Variants in CRK observed in about 807,000 individuals in gnomAD.
The protein encoded by CRK is adapter molecule crk.
A neutral mutation model predicts 29.8 loss-of-function variants in CRK; 4 were observed. The ratio of observed to expected loss-of-function variants is 0.13; its 90% confidence interval spans 0.07 to 0.31. CRK has a LOEUF of 0.31. Among genes scored for constraint, CRK ranks in the 10% least tolerant of loss-of-function variants. The pLI is 1.00. For synonymous variants in CRK, 153 were observed against 164.9 expected (o/e 0.93, Z 0.55); for missense variants, 274 against 396.5 (o/e 0.69, Z 2.62).
At position 1,421,860 on chromosome 17, in the gene CRK, G is replaced by A. The variant is rs1205206908; in HGVS notation, c.*1653C>T. 1.3e-5 allele frequency: 2 copies of A among 152,136 alleles called. No homozygotes were observed. The highest frequency in any genetic ancestry group is 2.9e-5 in the Non-Finnish European group (2 of 68,028). 9.4% of individuals were successfully genotyped at this position (152,136 alleles called of 1,614,324 possible). On this transcript the variant is annotated 3_prime_UTR_variant, in exon 3 of 3. Transcript: ENST00000300574. ...AGCAAACTATAAGGTGTTTCTATTG[G>A]TCATACCACACCAGAGACCGGTAAG...
At chr17:1,444,034 T>A (rs1029937055) in intron 1 of CRK, among the ~76,000 whole-genome samples, 1 of 151,862 alleles carries the variant, frequency 6.6e-6, no homozygotes, top group African/African-American at 2.4e-5. Flanking sequence ...TTTTGCCATG[T>A]CGCCCAGGCA....
chr17:1,434,792 C>CAAA (rs376877954), intron 2 of CRK, among the ~76,000 whole-genome samples: 51,157 of 124,296 alleles, frequency 0.41, 10,709 homozygotes, highest in South Asian at 0.5. Context: ...CAAAAAGAAC[C>CAAA]AAAAAAAAAA....
chr17:1,421,128 G>A lies in CRK; in HGVS notation c.*2385C>T, dbSNP rs2073720528. On this transcript the variant is annotated 3_prime_UTR_variant, in exon 3 of 3. Coordinates refer to ENST00000300574, the MANE Select transcript of CRK (RefSeq NM_016823.4). ...ATAAGACATCCTTTGATTTCTTGAG[G>A]GGCATTAACTGCCACACTCAACAGT... 6.6e-6 allele frequency: 1 copy of A among 151,994 alleles called. No individual in the cohort carries two copies. The highest frequency in any genetic ancestry group is 1.5e-5 in the Non-Finnish European group (1 of 68,024). The allele number at this position is 151,994 out of a possible 1,614,324, so 9.4% of individuals were successfully genotyped here.
intron 1 of CRK, among the ~76,000 whole-genome samples, chr17:1,448,284 G>A (rs540214131): frequency 3.3e-5 from 5 of 151,960 alleles, no homozygotes; most frequent in African/African-American, 4.8e-5. Flanking sequence ...CCTCACCCCC[G>A]ACTCTGCAAA....
At chr17:1,445,278 T>C (rs1042226644) in intron 1 of CRK, among the ~76,000 whole-genome samples, 8 of 152,312 alleles carry the variant, frequency 5.3e-5, no homozygotes, top group Non-Finnish European at 1.0e-4. Context: ...AAATGAATGA[T>C]GAGACCATCT....
In CRK at chr17:1,449,927, G is replaced by A. The variant is rs950897184; in HGVS notation, c.241+5950C>T. On this transcript the variant is annotated intron_variant, in intron 1 of 2. Transcript: ENST00000300574. ...TTAAAAATAATACCCAGCTGCGCAC[G>A]GTGGCTCACGCCTGTAATCCTAACA... Among the ~76,000 whole-genome samples the A allele has an allele frequency of 3.3e-5, 5 of 152,138 alleles. 1 individual carries two copies. The highest frequency in any genetic ancestry group is 2.6e-4 in the Admixed American group (4 of 15,258).
intron 1 of CRK, among the ~76,000 whole-genome samples, chr17:1,451,804 C>T (rs1375352454): frequency 1.3e-5 from 2 of 151,870 alleles, no homozygotes; most frequent in Non-Finnish European, 2.9e-5. Context: ...CATGGTGAAA[C>T]CCCGTGTCTA....
chr17:1,454,104 C>T (rs987273337), intron 1 of CRK, among the ~76,000 whole-genome samples: 2 of 151,756 alleles, frequency 1.3e-5, no homozygotes, highest in Non-Finnish European at 2.9e-5. Flanking sequence ...ACTCAGGAGG[C>T]TGAGGCAGAA....
intron 2 of CRK, among the ~76,000 whole-genome samples, chr17:1,430,701 A>G (rs73289177): frequency 0.13 from 19,249 of 151,614 alleles, 1,462 homozygotes; most frequent in African/African-American, 0.2. Flanking sequence ...AAAATTTGTA[A>G]GCAATCAATT....
intron 2 of CRK, among the ~76,000 whole-genome samples, chr17:1,434,926 A>C (rs530745083): frequency 6.6e-6 from 1 of 152,366 alleles, no homozygotes; most frequent in East Asian, 1.9e-4. Flanking sequence ...AGAGAAGCTC[A>C]ACCATTTTTT....
chr17:1,452,001 C>T (rs1792627972), intron 1 of CRK, among the ~76,000 whole-genome samples: 1 of 151,986 alleles, frequency 6.6e-6, no homozygotes, highest in South Asian at 2.1e-4. Flanking sequence ...AACAACAAAA[C>T]AAAAAACACC....
intron 1 of CRK, among the ~76,000 whole-genome samples, chr17:1,445,101 T>C (rs1467980428): frequency 6.7e-6 from 1 of 150,088 alleles, no homozygotes; most frequent in Non-Finnish European, 1.5e-5. Context: ...TGAGCCAAGA[T>C]CGCGCCACTG....
At chr17:1,451,658 G>A (rs1341759980) in intron 1 of CRK, among the ~76,000 whole-genome samples, 2 of 152,108 alleles carry the variant, frequency 1.3e-5, no homozygotes, top group African/African-American at 2.4e-5. Flanking sequence ...AAGGGCTGTA[G>A]TGCACTATGA....
In CRK at chr17:1,423,157, T is replaced by A; in HGVS notation, c.*356A>T. On this transcript the variant is annotated 3_prime_UTR_variant, in exon 3 of 3. Transcript: ENST00000300574. ...CCAGAATGAAAACAAAACCACTGAA[T>A]AAATCAGGGTAAGCAGTGTGTAACA... The A allele has an allele frequency of 2.3e-6, 1 of 439,872 alleles. No individual in the cohort carries two copies. The highest frequency in any genetic ancestry group is 4.0e-6 in the Non-Finnish European group (1 of 250,934). 27.2% of individuals were successfully genotyped at this position (439,872 alleles called of 1,614,324 possible). A position where few individuals can be genotyped will look rare whatever the true frequency, so the allele number is the denominator to read the frequency against.
chr17:1,437,925 C>G (rs981895350), intron 1 of CRK, among the ~76,000 whole-genome samples: 5 of 151,702 alleles, frequency 3.3e-5, no homozygotes, highest in Non-Finnish European at 7.4e-5. Flanking sequence ...CTCAGCCTCC[C>G]AAAGTGCTGG....
chr17:1,453,895 C>G (rs1598307508), intron 1 of CRK, among the ~76,000 whole-genome samples: 1 of 150,340 alleles, frequency 6.7e-6, no homozygotes. Flanking sequence ...GCAACAAAAG[C>G]GAAACTCCGC....
intron 2 of CRK, among the ~76,000 whole-genome samples, chr17:1,431,012 G>T (rs1189047438): frequency 6.6e-6 from 1 of 151,830 alleles, no homozygotes; most frequent in Non-Finnish European, 1.5e-5. Flanking sequence ...AGCTCGCAGT[G>T]AGCCGAGATC....
chr17:1,452,211 G>A (rs905995992), intron 1 of CRK, among the ~76,000 whole-genome samples: 1 of 152,124 alleles, frequency 6.6e-6, no homozygotes, highest in African/African-American at 2.4e-5. Flanking sequence ...CTGAATCTAT[G>A]AGTGTTTCCT....
chr17:1,425,067 T>C (rs772667416), intron 2 of CRK: 2 of 151,934 alleles, frequency 1.3e-5, no homozygotes, highest in East Asian at 1.9e-4. Context: ...ATGTCTCTTG[T>C]TGCAAAATGA....
Sources: allele counts gnomAD v4.1 joint callset (sites outside exome capture counted in the v4.1 genomes callset), GRCh38; gene constraint gnomAD v4.1.1; transcripts MANE v1.5; gene names NCBI Gene and HGNC (gene_info 2026-07-23, HGNC 2026-07-21).